The following MGAT5 variants were observed in gnomAD, a reference collection of about 807,000 sequenced individuals.
The protein encoded by MGAT5 is alpha-1,6-mannosylglycoprotein 6-beta-N-acetylglucosaminyltransferase.
In MGAT5, 30 loss-of-function variants were observed where a neutral mutation model predicts 94.3. The ratio of observed to expected loss-of-function variants is 0.32; its 90% CI spans 0.24 to 0.43. The LOEUF (loss-of-function observed/expected upper bound fraction) is 0.43. Ranked by LOEUF, MGAT5 falls within the 20% of genes least tolerant of loss-of-function variation. The pLI is 1.00. For synonymous variants in MGAT5, 310 were observed against 322.9 expected, an observed-to-expected ratio of 0.96 and a Z score of 0.43; for missense variants, 691 against 905.5, an observed-to-expected ratio of 0.76 and a Z score of 3.04.
chr2:134,252,125 A>G (rs766632714), upstream of MGAT5, among the ~76,000 whole-genome samples: 1 of 152,206 alleles, frequency 6.6e-6, no homozygotes, highest in Admixed American at 6.5e-5. Context: ...AGACTAGGAA[A>G]GGAACACTGC....
At chr2:134,212,879 T>G (rs371238137) in intron 1 of MGAT5, among the ~76,000 whole-genome samples, 4 of 152,334 alleles carry the variant, frequency 2.6e-5, no homozygotes, top group African/African-American at 9.6e-5. Flanking sequence ...CAGTAAGACC[T>G]TGAGACTTGC....
At chr2:134,257,517 T>C (rs2105533976) in intron 1 of MGAT5, among the ~76,000 whole-genome samples, 1 of 152,330 alleles carries the variant, frequency 6.6e-6, no homozygotes, top group Middle Eastern at 3.4e-3. Context: ...CCGCTGTGCC[T>C]GGCCTGGTTT....
intron 1 of MGAT5, among the ~76,000 whole-genome samples, chr2:134,121,666 G>C (rs1685597475): frequency 6.6e-6 from 1 of 152,222 alleles, no homozygotes; most frequent in African/African-American, 2.4e-5. Flanking sequence ...ACGTTGGGAA[G>C]GGGCAAACTC....
intron 4 of MGAT5, among the ~76,000 whole-genome samples, chr2:134,328,729 A>G (rs964032251): frequency 2.0e-5 from 3 of 152,030 alleles, no homozygotes; most frequent in African/African-American, 7.2e-5. Flanking sequence ...TTGCATGCAG[A>G]TGGGGCAGCA....
At chr2:134,257,836 C>CTTTTTTT (rs10628858) in intron 1 of MGAT5, among the ~76,000 whole-genome samples, 2,349 of 106,424 alleles carry the variant, frequency 0.022, 162 homozygotes, top group East Asian at 0.14. Flanking sequence ...TTTGCAGTCT[C>CTTTTTTT]TTTTTTTTTT....
intron 7 of MGAT5, 121 bp downstream of exon 7, chr2:134,341,880 A>G (rs1688654246): frequency 2.6e-6 from 2 of 754,896 alleles, no homozygotes; most frequent in Non-Finnish European, 4.1e-6. Context: ...ATAATTCACT[A>G]AACAGGAGAT....
chr2:134,263,094 G>A lies in MGAT5; in HGVS notation c.242-7292G>A, dbSNP rs574400840. On this transcript the variant is annotated intron_variant, in intron 1 of 15. Transcript: ENST00000281923. ...CAGCAAGCAGGAAGCAGTAGTGTGC[G>A]AGGCCACCCTTTCCAAGAAGGTGCG... 1.1e-3 allele frequency among the ~76,000 whole-genome samples: 161 copies of A among 152,298 alleles called. 3 individuals carry two copies. The highest frequency in any genetic ancestry group is 3.9e-4 in the East Asian group (2 of 5,182).
At chr2:134,139,252 G>GT (rs758074674) in intron 1 of MGAT5, among the ~76,000 whole-genome samples, 53 of 152,232 alleles carry the variant, frequency 3.5e-4, no homozygotes, top group Non-Finnish European at 6.0e-4. Context: ...GAAAGACGGA[G>GT]TAAGAGTCAC....
intron 1 of MGAT5, among the ~76,000 whole-genome samples, chr2:134,165,750 G>C (rs1687938875): frequency 6.6e-6 from 1 of 152,068 alleles, no homozygotes. Context: ...ACTCCAGCCT[G>C]GGCGACAGAG....
intron 2 of MGAT5, among the ~76,000 whole-genome samples, chr2:134,302,454 C>T (rs1351026446): frequency 1.3e-5 from 2 of 152,018 alleles, no homozygotes; most frequent in Non-Finnish European, 2.9e-5. Context: ...AGAAGGAAAA[C>T]ACTATAGTGT....
intron 2 of MGAT5, among the ~76,000 whole-genome samples, chr2:134,274,024 C>T (rs987817041): frequency 6.6e-6 from 1 of 152,130 alleles, no homozygotes; most frequent in Admixed American, 6.5e-5. Context: ...TTCTGTCTTT[C>T]TCTAGTTTTG....
chr2:134,126,117 C>T (rs556600844), intron 1 of MGAT5, among the ~76,000 whole-genome samples: 10 of 152,338 alleles, frequency 6.6e-5, no homozygotes, highest in African/African-American at 1.9e-4. Flanking sequence ...AACCCAAGAT[C>T]GCCATACTTT....
intron 1 of MGAT5, among the ~76,000 whole-genome samples, chr2:134,176,950 G>A (rs944448608): frequency 6.6e-6 from 1 of 152,138 alleles, no homozygotes; most frequent in Non-Finnish European, 1.5e-5. Flanking sequence ...CTGGTCTCCC[G>A]ACAGGACATG....
intron 14 of MGAT5, among the ~76,000 whole-genome samples, chr2:134,430,982 G>A (rs1431841491): frequency 6.6e-6 from 1 of 152,216 alleles, no homozygotes; most frequent in East Asian, 1.9e-4. Flanking sequence ...GGGAGGACGG[G>A]GGAGAAATGG....
At position 134,237,123 on chromosome 2, in the gene MGAT5, A is replaced by ATGTGTATGTG. The variant is rs367744090; in HGVS notation, c.-142-17134_-142-17133insATGTGTGTGT. The stretch of plus-strand genomic sequence containing the variant: ...TAGGTAGGTTATGTAGAAGGAGTAT[A>ATGTGTATGTG]TGTGTGTGTGTGTGTGTGTGTGTGT... On this transcript the variant is annotated intron_variant, in intron 1 of 16. Coordinates refer to the MGAT5 transcript ENST00000409645. Among the ~76,000 whole-genome samples, 989 of 140,646 alleles carry ATGTGTATGTG rather than the reference A, an allele frequency of 7.0e-3. 4 individuals carry two copies. Among genetic ancestry groups the ATGTGTATGTG allele is most frequent in the South Asian group, 0.012 (53 of 4,520 alleles). The allele number at this position is 140,646 out of a possible 152,430, so 92.3% of individuals were successfully genotyped here. A position where few individuals can be genotyped will look rare whatever the true frequency, so the allele number is the denominator to read the frequency against.
chr2:134,341,065 T>C (rs1029942759), intron 6 of MGAT5, among the ~76,000 whole-genome samples: 3 of 152,144 alleles, frequency 2.0e-5, no homozygotes, highest in African/African-American at 7.2e-5. Flanking sequence ...TATTTACAGA[T>C]GAAAGGATAT....
At chr2:134,280,346 G>A (rs16830319) in intron 2 of MGAT5, among the ~76,000 whole-genome samples, 1 of 152,116 alleles carries the variant, frequency 6.6e-6, no homozygotes, top group African/African-American at 2.4e-5. Flanking sequence ...CATTCAGCAA[G>A]TCTCACGTGT....
chr2:134,137,741 A>AT (rs899469652), intron 1 of MGAT5, among the ~76,000 whole-genome samples: 37 of 148,328 alleles, frequency 2.5e-4, no homozygotes, highest in East Asian at 1.4e-3. Context: ...AATAGTCTCT[A>AT]TTTTTTTTTT....
Position 134,154,754 on chromosome 2 carries a change from A to G in MGAT5, c.-143+34463A>G, listed in dbSNP as rs187481192. Among the ~76,000 whole-genome samples the G allele has an allele frequency of 4.4e-3, 671 of 152,320 alleles. 15 individuals carry two copies. Among genetic ancestry groups the G allele is most frequent in the Admixed American group, 0.037 (564 of 15,294 alleles). On this transcript the variant is annotated intron_variant, in intron 1 of 16. Coordinates refer to the MGAT5 transcript ENST00000409645. ...TCTAGAAACACGAGCCATCCTGACA[A>G]CTGTGCTGTCTGACTCTCTCTAATG...
Sources: gnomAD v4.1 joint callset for allele counts (sites outside exome capture counted in the v4.1 genomes callset) on GRCh38, gnomAD v4.1.1 for gene constraint, MANE v1.5 for transcripts, NCBI Gene and HGNC (gene_info 2026-07-23, HGNC 2026-07-21) for gene names.